Variants in GOT1 observed in about 807,000 individuals in gnomAD.
GOT1 encodes the protein aspartate aminotransferase, cytoplasmic.
In GOT1, 25 loss-of-function variants were observed where a neutral mutation model predicts 48.2. The observed-to-expected ratio is 0.52, with a 90% CI of 0.38 to 0.72. The LOEUF (loss-of-function observed/expected upper bound fraction) is 0.72, where lower values mean the gene tolerates loss of function less well. Ranked by LOEUF, GOT1 falls within the 30% of genes least tolerant of loss-of-function variation. GOT1 has a pLI of 0.00. For synonymous variants in GOT1, 188 were observed against 193.8 expected (o/e 0.97, Z 0.25); for missense variants, 380 against 520.1 (o/e 0.73, Z 2.62).
intron 1 of GOT1, 74 bp from the exon 2 acceptor site, chr10:99,420,879 C>G: frequency 5.0e-6 from 6 of 1,189,406 alleles, no homozygotes; most frequent in Non-Finnish European, 7.2e-6. Flanking sequence ...AACTGTGAAC[C>G]AGGAGAATCC....
intron 2 of GOT1, among the ~76,000 whole-genome samples, chr10:99,412,436 A>T (rs769748333): frequency 2.0e-5 from 3 of 151,728 alleles, no homozygotes; most frequent in Non-Finnish European, 2.9e-5. Context: ...CAGGGAAGAG[A>T]CTAGAGGCAG....
At chr10:99,405,666 C>A in intron 5 of GOT1, 90 bp downstream of exon 5, 1 of 699,454 alleles carries the variant, frequency 1.4e-6, no homozygotes, top group South Asian at 1.6e-5. Context: ...TTTCCTAATT[C>A]CTCAGCAAAC....
Position 99,405,759 on chromosome 10 carries a change from C to T in GOT1, c.639G>A (p.Met213Ile). 2 of 1,523,474 alleles carry T rather than the reference C, an allele frequency of 1.3e-6. No individual in the cohort carries two copies. The highest frequency in any genetic ancestry group is 9.1e-7 in the Non-Finnish European group (1 of 1,097,250). 94.4% of individuals were successfully genotyped at this position (1,523,474 alleles called of 1,614,324 possible). A position where few individuals can be genotyped will look rare whatever the true frequency, so the allele number is the denominator to read the frequency against. Residue 213 changes from methionine to isoleucine, a missense_variant, in exon 5 of 9, where the codon ATG (methionine) becomes ATA (isoleucine). Met to Ile is a conservative substitution (Grantham distance 10). Transcript: ENST00000370508. Reference sequence around the variant, plus strand: ...GATGCTCTGAAGGGGCAGTTACCTTCATGACAGAAGCAATCTGCTTCCACT... The same window carrying T: ...GATGCTCTGAAGGGGCAGTTACCTTTATGACAGAAGCAATCTGCTTCCACT... The part of the protein sequence containing the change: ...PEQWKQIASV[M>I]KHRFLFPFFD...
intron 8 of GOT1, among the ~76,000 whole-genome samples, chr10:99,398,670 CAAA>C (rs199689809): frequency 1.5e-5 from 2 of 134,840 alleles, no homozygotes; most frequent in Non-Finnish European, 3.2e-5. Flanking sequence ...GACTCTGTCT[CAAA>C]AAAAAAAAGA....
intron 1 of GOT1, among the ~76,000 whole-genome samples, chr10:99,425,696 G>C (rs536026509): frequency 1.3e-5 from 2 of 152,268 alleles, no homozygotes; most frequent in Admixed American, 6.5e-5. Context: ...CTCAAGTCTG[G>C]ATAATGAGTG....
Position 99,430,471 on chromosome 10 carries a change from C to CG in GOT1, c.94dup (p.Arg32ProfsTer14). 6.2e-7 allele frequency: 1 copy of CG among 1,610,362 alleles called. No homozygotes were observed. The highest frequency in any genetic ancestry group is 8.5e-7 in the Non-Finnish European group (1 of 1,177,692). ...ACCTCCCACTCCCAGGTTGACCTTG[C>CG]GGGGGTCCGGATCCTCCCTGAAGTC... is the stretch of plus-strand genomic sequence containing the variant. On this transcript the variant is annotated frameshift_variant, in exon 1 of 9. Transcript: ENST00000370508. LOFTEE classifies it high-confidence loss of function.
intron 1 of GOT1, among the ~76,000 whole-genome samples, chr10:99,427,993 A>G (rs977322766): frequency 1.3e-5 from 2 of 152,220 alleles, no homozygotes; most frequent in African/African-American, 4.8e-5. Context: ...AAACATGACA[A>G]AGGCACCTTC....
At chr10:99,409,998 C>T (rs2032810096) in intron 2 of GOT1, among the ~76,000 whole-genome samples, 1 of 152,146 alleles carries the variant, frequency 6.6e-6, no homozygotes, top group East Asian at 1.9e-4. Context: ...CAAGGGGATG[C>T]AGAACTAAAC....
rs1352043691 is a variant in GOT1, at chr10:99,397,362, C to A, written c.*185G>T. 4.6e-6 allele frequency: 3 copies of A among 651,142 alleles called. No individual in the cohort carries two copies. Among genetic ancestry groups the A allele is most frequent in the Non-Finnish European group, 8.3e-6 (3 of 360,670 alleles). The allele number at this position is 651,142 out of a possible 1,614,324, so 40.3% of individuals were successfully genotyped here. A position where few individuals can be genotyped will look rare whatever the true frequency, so the allele number is the denominator to read the frequency against. ...GACCTCCAAAGGCTCTAATCCCAGT[C>A]TCCAAATTCGTCTCAAGGGATGTTC... On this transcript the variant is annotated 3_prime_UTR_variant, in exon 9 of 9. Transcript: ENST00000370508. This position sits in a 1 kb window ranked among gnomAD's most constrained non-coding sequence, Gnocchi z 5.4.
intron 1 of GOT1, among the ~76,000 whole-genome samples, chr10:99,425,259 A>G (rs1032001443): frequency 6.6e-6 from 1 of 152,216 alleles, no homozygotes; most frequent in African/African-American, 2.4e-5. Flanking sequence ...GTCTTTGAGG[A>G]TCTGCATTTT....
intron 2 of GOT1, among the ~76,000 whole-genome samples, chr10:99,408,779 T>C (rs1482311199): frequency 6.6e-6 from 1 of 152,128 alleles, no homozygotes; most frequent in African/African-American, 2.4e-5. Flanking sequence ...AGTGGCAACC[T>C]CTGGGGAGGG....
intron 2 of GOT1, among the ~76,000 whole-genome samples, chr10:99,416,797 T>C (rs1397497256): frequency 6.6e-6 from 1 of 152,182 alleles, no homozygotes; most frequent in African/African-American, 2.4e-5. Context: ...TATCTGATCT[T>C]TGACAAACCT....
chr10:99,425,373 C>T (rs963260481), intron 1 of GOT1, among the ~76,000 whole-genome samples: 12 of 152,074 alleles, frequency 7.9e-5, no homozygotes, highest in African/African-American at 2.9e-4. Context: ...CCACTGAAAG[C>T]ATTTAAGCAA....
chr10:99,406,489 G>A (rs1349957009), intron 3 of GOT1, among the ~76,000 whole-genome samples: 3 of 150,176 alleles, frequency 2.0e-5, no homozygotes, highest in Non-Finnish European at 2.9e-5. Flanking sequence ...TGCCTCCTCT[G>A]GGGAGTTTCA....
intron 2 of GOT1, among the ~76,000 whole-genome samples, chr10:99,416,050 C>A (rs1457815011): frequency 2.0e-5 from 3 of 152,004 alleles, no homozygotes; most frequent in African/African-American, 7.3e-5. Flanking sequence ...GATGTCCTCT[C>A]TCACCACTCC....
chr10:99,426,213 C>A (rs989635753), intron 1 of GOT1, among the ~76,000 whole-genome samples: 38 of 152,138 alleles, frequency 2.5e-4, no homozygotes, highest in African/African-American at 8.9e-4. Context: ...TATCAGCATG[C>A]TCCCCAGCTC....
chr10:99,429,473 T>G (rs1250511652), intron 1 of GOT1, among the ~76,000 whole-genome samples: 1 of 152,112 alleles, frequency 6.6e-6, no homozygotes, highest in Non-Finnish European at 1.5e-5. Flanking sequence ...CTTTCCACAA[T>G]TTCTAGTCCT....
chr10:99,427,196 C>T (rs79794829), intron 1 of GOT1, among the ~76,000 whole-genome samples: 1,693 of 152,192 alleles, frequency 0.011, 36 homozygotes, highest in African/African-American at 0.038. Context: ...TATTATCCTA[C>T]GCTACAGTCA....
chr10:99,413,438 T>C (rs1402686184), intron 2 of GOT1, among the ~76,000 whole-genome samples: 1 of 152,192 alleles, frequency 6.6e-6, no homozygotes. Flanking sequence ...TATGCGACTA[T>C]GTGAAAAGAC....
Sources: gnomAD v4.1 joint callset for allele counts (sites outside exome capture counted in the v4.1 genomes callset) on GRCh38, gnomAD v4.1.1 for gene constraint, Gnocchi (gnomAD v3.1) non-coding constraint, MANE v1.5 for transcripts, NCBI Gene and HGNC (gene_info 2026-07-23, HGNC 2026-07-21) for gene names.